Variants in CXADR observed in about 807,000 individuals in gnomAD.
CXADR encodes the protein coxsackievirus and adenovirus receptor.
CXADR carries 20 observed loss-of-function variants against 40.3 expected under a neutral mutation model. That is an observed-to-expected ratio of 0.50 (90% CI 0.35 to 0.72). The LOEUF (loss-of-function observed/expected upper bound fraction) is 0.72. CXADR is among the 30% of genes least tolerant of loss of function. The pLI, the probability that CXADR is intolerant of heterozygous loss-of-function variation, is 0.01. For missense variants in CXADR, 332 were observed against 449.1 expected (o/e 0.74, Z 2.36); for synonymous variants, 150 against 161.3 (o/e 0.93, Z 0.53).
chr21:17,568,689 C>G lies in CXADR; in HGVS notation c.*2997C>G. 2.0e-6 allele frequency: 2 copies of G among 985,132 alleles called. No individual in the cohort carries two copies. The highest frequency in any genetic ancestry group is 2.4e-6 in the Non-Finnish European group (2 of 829,922). The allele number at this position is 985,132 out of a possible 1,614,324, so 61.0% of individuals were successfully genotyped here. On this transcript the variant is annotated 3_prime_UTR_variant, in exon 7 of 7. Transcript: ENST00000284878. ...TACAGGTGTGAGCCGCAGCATCCAG[C>G]CAGTTCTGTACTTTGAATATGGAGT...
At position 17,565,805 on chromosome 21, in the gene CXADR, T is replaced by C; in HGVS notation, c.*113T>C. ...GCCTCAAAATACATCAAAAAATAAG[T>C]TAATCAGGAACTGTACGGAATATAT... On this transcript the variant is annotated 3_prime_UTR_variant, in exon 7 of 7. Coordinates refer to ENST00000284878, the MANE Select transcript of CXADR (RefSeq NM_001338.5). 2.1e-6 allele frequency: 3 copies of C among 1,444,850 alleles called. No homozygotes were observed. Among genetic ancestry groups the C allele is most frequent in the Non-Finnish European group, 2.7e-6 (3 of 1,107,246 alleles). 89.5% of individuals were successfully genotyped at this position (1,444,850 alleles called of 1,614,324 possible). A position where few individuals can be genotyped will look rare whatever the true frequency, so the allele number is the denominator to read the frequency against.
chr21:17,590,386 C>T (rs1007079342), intron 7 of CXADR, among the ~76,000 whole-genome samples: 5 of 152,020 alleles, frequency 3.3e-5, no homozygotes, highest in Non-Finnish European at 7.4e-5. Context: ...CATGCTTCCA[C>T]TTTTGTCCTT....
intron 2 of CXADR, among the ~76,000 whole-genome samples, chr21:17,548,336 G>C (rs548074227): frequency 9.9e-5 from 15 of 152,274 alleles, no homozygotes; most frequent in South Asian, 8.3e-4. Context: ...AGTTGTGAGT[G>C]ACTAGAGCCA....
the CXADR span, among the ~76,000 whole-genome samples, chr21:17,625,142 A>G: frequency 6.6e-6 from 1 of 152,160 alleles, no homozygotes; most frequent in African/African-American, 2.4e-5. Context: ...TGAATCACCA[A>G]AAAAGCCCCA....
intron 1 of CXADR, among the ~76,000 whole-genome samples, chr21:17,523,130 C>T (rs1335069808): frequency 3.3e-5 from 5 of 152,130 alleles, no homozygotes. Flanking sequence ...TTACCCTGTC[C>T]TCCAGGCACA....
At chr21:17,563,940 C>CAAATAAAAAAAAAAAAAAA (rs2061162131) in intron 6 of CXADR, among the ~76,000 whole-genome samples, 1 of 37,222 alleles carries the variant, frequency 2.7e-5, no homozygotes, top group Non-Finnish European at 5.7e-5. Flanking sequence ...GACTCTGTCT[C>CAAATAAAAAAAAAAAAAAA]AAAAAAAAAA....
At chr21:17,612,156 T>C in the CXADR span, 1 of 152,352 alleles carries the variant, frequency 6.6e-6, no homozygotes, top group Non-Finnish European at 1.5e-5. Flanking sequence ...GCCCAACTTC[T>C]GCAATCCCGG....
At chr21:17,530,697 C>T (rs956240462) in intron 1 of CXADR, among the ~76,000 whole-genome samples, 4 of 152,084 alleles carry the variant, frequency 2.6e-5, no homozygotes, top group African/African-American at 9.7e-5. Context: ...GCCTGTAATC[C>T]CAGCTACTAG....
chr21:17,522,873 T>C (rs1156483013), intron 1 of CXADR, among the ~76,000 whole-genome samples: 2 of 152,196 alleles, frequency 1.3e-5, no homozygotes, highest in Non-Finnish European at 2.9e-5. Flanking sequence ...CTACACACAC[T>C]TCCCACAGGC....
At chr21:17,585,810 G>A (rs1000899052) in intron 7 of CXADR, among the ~76,000 whole-genome samples, 2 of 152,176 alleles carry the variant, frequency 1.3e-5, no homozygotes, top group African/African-American at 2.4e-5. Flanking sequence ...GAGCCACCGC[G>A]CCCGGTTTTA....
chr21:17,574,028 A>G (rs1321408328), downstream of CXADR, among the ~76,000 whole-genome samples: 2 of 152,254 alleles, frequency 1.3e-5, no homozygotes, highest in East Asian at 3.8e-4. Flanking sequence ...ATCTTAGCCA[A>G]AAGGCCAGGA....
At chr21:17,596,833 G>C (rs2061510304), downstream of CXADR, among the ~76,000 whole-genome samples, 1 of 152,028 alleles carries the variant, frequency 6.6e-6, no homozygotes, top group African/African-American at 2.4e-5. Context: ...CAGGAGAACT[G>C]ACACAATCTT....
At chr21:17,554,173 G>T (rs1036761441) in intron 3 of CXADR, among the ~76,000 whole-genome samples, 1 of 152,216 alleles carries the variant, frequency 6.6e-6, no homozygotes, top group African/African-American at 2.4e-5. Flanking sequence ...AAGCATGTTT[G>T]TGTGTTTGTG....
At chr21:17,561,095 T>TCA (rs1189409730) in intron 5 of CXADR, among the ~76,000 whole-genome samples, 1 of 152,240 alleles carries the variant, frequency 6.6e-6, no homozygotes, top group East Asian at 1.9e-4. Context: ...TCTTATATGT[T>TCA]AACCAAGATA....
intron 6 of CXADR, among the ~76,000 whole-genome samples, chr21:17,563,502 A>C (rs961638033): frequency 6.6e-6 from 1 of 152,084 alleles, no homozygotes; most frequent in African/African-American, 2.4e-5. Context: ...GGCATCATTC[A>C]TGGTGCCCCA....
chr21:17,634,186 G>T, the CXADR span, among the ~76,000 whole-genome samples: 1 of 152,180 alleles, frequency 6.6e-6, no homozygotes, highest in Non-Finnish European at 1.5e-5. Flanking sequence ...GAACCCAAGA[G>T]TATGATCTTC....
intron 1 of CXADR, among the ~76,000 whole-genome samples, chr21:17,521,877 C>T (rs796659754): frequency 2.0e-4 from 30 of 152,316 alleles, no homozygotes; most frequent in African/African-American, 7.0e-4. Flanking sequence ...AATTCCTGAA[C>T]TTCAGACCTT....
downstream of CXADR, chr21:17,598,523 A>C: frequency 1.9e-6 from 2 of 1,053,324 alleles, no homozygotes; most frequent in South Asian, 1.6e-5. Flanking sequence ...CAGAATCTCA[A>C]GTCAGAAACC....
intron 1 of CXADR, among the ~76,000 whole-genome samples, chr21:17,533,439 T>C (rs1226312247): frequency 6.6e-6 from 1 of 152,224 alleles, no homozygotes; most frequent in Non-Finnish European, 1.5e-5. Flanking sequence ...ATGAAATCTT[T>C]ATTACTGTTG....
Sources: gnomAD v4.1 joint callset for allele counts (sites outside exome capture counted in the v4.1 genomes callset) on GRCh38, gnomAD v4.1.1 for gene constraint, MANE v1.5 for transcripts, NCBI Gene and HGNC (gene_info 2026-07-23, HGNC 2026-07-21) for gene names.